DGKH: variants seen among roughly 807,000 people sequenced by gnomAD.
DGKH encodes the protein DAG kinase eta.
In DGKH, 90 loss-of-function variants were observed where a neutral mutation model predicts 159.3. The observed-to-expected ratio is 0.57, with a 90% confidence interval of 0.48 to 0.67. The LOEUF is 0.67. Ranked by LOEUF, DGKH falls within the 30% of genes least tolerant of loss-of-function variation. The probability of loss-of-function intolerance (pLI) is 0.00; values close to 1 mark genes in which losing one functional copy is unlikely to be tolerated. For missense variants in DGKH, 1,181 were observed against 1,506.1 expected (o/e 0.78, Z 3.57); for synonymous variants, 536 against 553.8 (o/e 0.97, Z 0.45).
At chr13:42,101,726 A>G (rs1457587265) in intron 1 of DGKH, among the ~76,000 whole-genome samples, 1 of 152,016 alleles carries the variant, frequency 6.6e-6, no homozygotes, top group Non-Finnish European at 1.5e-5. Context: ...GGGACGGGGA[A>G]CAGGTAACGT....
At chr13:42,067,337 A>C (rs1259656152) in intron 1 of DGKH, among the ~76,000 whole-genome samples, 1 of 152,214 alleles carries the variant, frequency 6.6e-6, no homozygotes, top group Non-Finnish European at 1.5e-5. Flanking sequence ...AGTATATCAA[A>C]TCAGAATAGT....
intron 1 of DGKH, among the ~76,000 whole-genome samples, chr13:42,062,514 G>GA (rs1258465371): frequency 6.6e-6 from 1 of 152,136 alleles, no homozygotes; most frequent in Non-Finnish European, 1.5e-5. Context: ...TTACCAGCGG[G>GA]AAAAAAGCCC....
At chr13:42,092,770 A>G (rs1387564881) in intron 1 of DGKH, among the ~76,000 whole-genome samples, 2 of 152,204 alleles carry the variant, frequency 1.3e-5, no homozygotes, top group African/African-American at 4.8e-5. Flanking sequence ...GCACAAAGAA[A>G]AGGTAAATGT....
intron 1 of DGKH, among the ~76,000 whole-genome samples, chr13:42,042,075 C>A (rs1469429118): frequency 6.6e-6 from 1 of 152,208 alleles, no homozygotes; most frequent in East Asian, 1.9e-4. Flanking sequence ...CGACTCTGAT[C>A]CCTCTGCATC....
chr13:42,176,600 A>G (rs916731616), intron 12 of DGKH, among the ~76,000 whole-genome samples: 8 of 152,220 alleles, frequency 5.3e-5, no homozygotes, highest in Admixed American at 1.3e-4. Flanking sequence ...TTGTGGAATG[A>G]AGGTAAATTA....
chr13:42,218,294 A>G (rs937684714), intron 26 of DGKH, among the ~76,000 whole-genome samples: 8 of 152,154 alleles, frequency 5.3e-5, no homozygotes, highest in Non-Finnish European at 1.0e-4. Flanking sequence ...TCTCCTTAAA[A>G]TATCCAAACC....
At chr13:42,115,982 TAATA>T (rs1300286727) in intron 1 of DGKH, among the ~76,000 whole-genome samples, 1 of 152,198 alleles carries the variant, frequency 6.6e-6, no homozygotes, top group Non-Finnish European at 1.5e-5. Flanking sequence ...AACTTTTCCA[TAATA>T]AATAATGCTT....
chr13:42,207,581 G>T (rs1191656973), intron 21 of DGKH, among the ~76,000 whole-genome samples: 1 of 151,308 alleles, frequency 6.6e-6, no homozygotes, highest in African/African-American at 2.4e-5. Context: ...CGAGTTTAGG[G>T]CTATTTTTGT....
chr13:42,112,283 G>GATTT (rs1352786749), intron 1 of DGKH, among the ~76,000 whole-genome samples: 1 of 74,774 alleles, frequency 1.3e-5, no homozygotes, highest in Admixed American at 1.3e-4. Flanking sequence ...TAGCCTTGTG[G>GATTT]CTTTTTTTTT....
intron 1 of DGKH, among the ~76,000 whole-genome samples, chr13:42,099,983 G>A (rs1168758452): frequency 6.6e-6 from 1 of 152,186 alleles, no homozygotes; most frequent in Non-Finnish European, 1.5e-5. Flanking sequence ...ATACATTATT[G>A]TGAAAATTTA....
Position 42,199,678 on chromosome 13 carries a change from T to C in DGKH, c.2396+2T>C. The C allele has an allele frequency of 6.3e-7, 1 of 1,581,686 alleles. No individual in the cohort carries two copies. Among genetic ancestry groups the C allele is most frequent in the Non-Finnish European group, 8.6e-7 (1 of 1,168,100 alleles). ...AGAGGAGCACCCTGAAAAATGCAGG[T>C]AATTTTAGTAAAAGTAATAATGCTA... is the stretch of plus-strand genomic sequence containing the variant. On this transcript the variant is annotated splice_donor_variant, in intron 19 of 29. Transcript: ENST00000337343. LOFTEE classifies it high-confidence loss of function.
chr13:42,134,192 C>G (rs1594072030), intron 3 of DGKH, among the ~76,000 whole-genome samples: 1 of 152,204 alleles, frequency 6.6e-6, no homozygotes, highest in East Asian at 1.9e-4. Flanking sequence ...AGTGATTGAC[C>G]TAGCCTGGGA....
chr13:42,193,908 T>C (rs527258733), intron 16 of DGKH, among the ~76,000 whole-genome samples: 1 of 152,316 alleles, frequency 6.6e-6, no homozygotes, highest in African/African-American at 2.4e-5. Flanking sequence ...AACTCCTAAA[T>C]TGGTTAAAGG....
chr13:42,183,599 G>C (rs1257194862), intron 13 of DGKH, among the ~76,000 whole-genome samples: 1 of 152,106 alleles, frequency 6.6e-6, no homozygotes, highest in Non-Finnish European at 1.5e-5. Context: ...AGCCTTAACT[G>C]TTTTCAGCTA....
At chr13:42,094,569 A>G (rs1225909322) in intron 1 of DGKH, among the ~76,000 whole-genome samples, 1 of 152,132 alleles carries the variant, frequency 6.6e-6, no homozygotes, top group African/African-American at 2.4e-5. Flanking sequence ...TTATCTTCCT[A>G]TTTCTCACAG....
chr13:42,155,310 G>C lies in DGKH; in HGVS notation c.404G>C (p.Arg135Thr). ...NSFTIITPFR[R>T]LMLCAENRKE... ...TTTCAGATCATCACTCCATTCAGAAGGCTAATGCTGTGTGCTGAGAACAGA... is the reference window on the plus strand; with the variant it reads ...TTTCAGATCATCACTCCATTCAGAACGCTAATGCTGTGTGCTGAGAACAGA... Residue 135 changes from arginine (R) to threonine (T), a missense_variant, in exon 4 of 30, where the codon AGG becomes ACG. By Grantham distance (71) the Arg-to-Thr change is moderately conservative. Around this residue, in one of 5 missense-constraint regions of DGKH, gnomAD observed 369 missense variants for 519.4 expected, o/e 0.71. Coordinates refer to ENST00000337343, the MANE Select transcript of DGKH (RefSeq NM_178009.5). 1 of 1,609,212 alleles carries C rather than the reference G, an allele frequency of 6.2e-7. No homozygotes were observed. The highest frequency in any genetic ancestry group is 8.5e-7 in the Non-Finnish European group (1 of 1,178,800).
intron 1 of DGKH, among the ~76,000 whole-genome samples, chr13:42,102,541 C>G (rs969223741): frequency 2.6e-5 from 4 of 152,230 alleles, no homozygotes; most frequent in Non-Finnish European, 5.9e-5. Flanking sequence ...AAGGCTCCTT[C>G]CAGCAGGAAA....
chr13:42,127,650 T>G, intron 2 of DGKH, 77 bp downstream of exon 2: 3 of 1,154,412 alleles, frequency 2.6e-6, no homozygotes, highest in Non-Finnish European at 3.8e-6. Context: ...AAGCTGTTTT[T>G]GTCTTGGAAG....
chr13:42,124,415 G>A (rs902946730), intron 1 of DGKH, among the ~76,000 whole-genome samples: 1 of 152,116 alleles, frequency 6.6e-6, no homozygotes, highest in Admixed American at 6.6e-5. Context: ...CAAAACTTTA[G>A]TGTGATTTAT....
Sources: gnomAD v4.1 joint callset for allele counts (sites outside exome capture counted in the v4.1 genomes callset) on GRCh38, gnomAD v4.1.1 for gene constraint, gnomAD v4.1.1 regional missense constraint, MANE v1.5 for transcripts, NCBI Gene and HGNC (gene_info 2026-07-23, HGNC 2026-07-21) for gene names.